KHDRBS2: variants seen among roughly 807,000 people sequenced by gnomAD.
KHDRBS2 encodes KH RNA binding domain containing, signal transduction associated 2, also known as KH domain-containing, RNA-binding, signal transduction-associated protein 2.
KHDRBS2 carries 26 observed loss-of-function variants against 44.3 expected under a neutral mutation model. That is an observed-to-expected ratio of 0.59 (90% CI 0.43 to 0.81). The LOEUF is 0.81. KHDRBS2 is among the 40% of genes least tolerant of loss of function. The pLI is 0.00. For synonymous variants in KHDRBS2, 194 were observed against 151.1 expected (o/e 1.28, Z -2.08); for missense variants, 476 against 433.1 (o/e 1.10, Z -0.88).
chr6:61,567,558 T>C, the KHDRBS2 span, among the ~76,000 whole-genome samples: 1 of 152,230 alleles, frequency 6.6e-6, no homozygotes, highest in Non-Finnish European at 1.5e-5. Flanking sequence ...GAAGGATCAC[T>C]TGAGCCTGGG....
chr6:62,007,304 C>G (rs188705902), intron 3 of KHDRBS2, among the ~76,000 whole-genome samples: 4 of 152,032 alleles, frequency 2.6e-5, no homozygotes, highest in Middle Eastern at 3.4e-3. Flanking sequence ...GTTTGTTGTC[C>G]AGTAAAGGTC....
chr6:61,555,296 CTGCTGTTAATACTTGCAACCG>C, the KHDRBS2 span, among the ~76,000 whole-genome samples: 17 of 152,218 alleles, frequency 1.1e-4, no homozygotes, highest in Non-Finnish European at 2.4e-4. Context: ...TTGGTCAATT[CTGCTGTTAATACTTGCAACCG>C]TATTCTGAAA....
intron 4 of KHDRBS2, among the ~76,000 whole-genome samples, chr6:61,977,711 T>G (rs1772974185): frequency 6.6e-6 from 1 of 152,250 alleles, no homozygotes; most frequent in Non-Finnish European, 1.5e-5. Context: ...TCCCTATTAA[T>G]TGTAAATTGC....
chr6:61,712,738 T>A (rs897835674), intron 7 of KHDRBS2, among the ~76,000 whole-genome samples: 13 of 151,870 alleles, frequency 8.6e-5, no homozygotes, highest in African/African-American at 2.7e-4. Context: ...ATCTGGCACA[T>A]AGCAAATGCT....
At chr6:62,080,323 T>C (rs1237000928) in intron 2 of KHDRBS2, among the ~76,000 whole-genome samples, 2 of 152,120 alleles carry the variant, frequency 1.3e-5, no homozygotes, top group Non-Finnish European at 2.9e-5. Flanking sequence ...AAATCTATTT[T>C]ACAGAGTGCC....
At chr6:61,556,603 C>T in the KHDRBS2 span, among the ~76,000 whole-genome samples, 1 of 151,718 alleles carries the variant, frequency 6.6e-6, no homozygotes, top group East Asian at 1.9e-4. Context: ...GGAGTTTAGC[C>T]AAAAAAGAAC....
chr6:61,799,536 C>G (rs188435255), intron 6 of KHDRBS2, among the ~76,000 whole-genome samples: 1 of 151,932 alleles, frequency 6.6e-6, no homozygotes, highest in African/African-American at 2.4e-5. Flanking sequence ...CACATAATCA[C>G]AGATCTTCCC....
chr6:61,555,926 A>G, the KHDRBS2 span, among the ~76,000 whole-genome samples: 2 of 152,200 alleles, frequency 1.3e-5, no homozygotes, highest in Non-Finnish European at 2.9e-5. Flanking sequence ...ATCACTCGCC[A>G]CAACACTCTA....
chr6:61,863,962 G>T (rs1562327425), intron 6 of KHDRBS2, among the ~76,000 whole-genome samples: 2 of 152,156 alleles, frequency 1.3e-5, no homozygotes, highest in Non-Finnish European at 2.9e-5. Flanking sequence ...GAATGTGGGT[G>T]ATCCTGTGTT....
the KHDRBS2 span, among the ~76,000 whole-genome samples, chr6:61,569,114 G>A: frequency 6.6e-6 from 1 of 152,080 alleles, no homozygotes; most frequent in Non-Finnish European, 1.5e-5. Context: ...AGCTGGGTGA[G>A]GCCTCTCGCT....
At chr6:62,219,952 CTG>C (rs1027940462) in intron 1 of KHDRBS2, among the ~76,000 whole-genome samples, 2 of 146,968 alleles carry the variant, frequency 1.4e-5, no homozygotes, top group Admixed American at 1.4e-4. Flanking sequence ...ATATATATAA[CTG>C]TATATACTAT....
the KHDRBS2 span, among the ~76,000 whole-genome samples, chr6:61,608,898 T>C: frequency 1.3e-5 from 2 of 152,172 alleles, no homozygotes; most frequent in African/African-American, 4.8e-5. Flanking sequence ...GCAGTAAACA[T>C]ATGTGTGTAT....
chr6:61,684,705 A>G (rs1272566294), intron 8 of KHDRBS2, among the ~76,000 whole-genome samples: 2 of 151,792 alleles, frequency 1.3e-5, no homozygotes, highest in Admixed American at 1.3e-4. Context: ...AATTAATCCA[A>G]TAACAAATTC....
At chr6:61,654,176 G>C in the KHDRBS2 span, among the ~76,000 whole-genome samples, 1 of 152,034 alleles carries the variant, frequency 6.6e-6, no homozygotes, top group African/African-American at 2.4e-5. Flanking sequence ...ACTAGAAAGG[G>C]CGCTAACATT....
chr6:62,108,510 T>A (rs1804103820), intron 2 of KHDRBS2, among the ~76,000 whole-genome samples: 1 of 152,124 alleles, frequency 6.6e-6, no homozygotes, highest in South Asian at 2.1e-4. Context: ...GACTGTAAAC[T>A]AGTTCAACCA....
intron 1 of KHDRBS2, among the ~76,000 whole-genome samples, chr6:62,281,360 G>A (rs1387833303): frequency 2.0e-5 from 3 of 152,088 alleles, no homozygotes; most frequent in Non-Finnish European, 4.4e-5. Flanking sequence ...AGTGGTTCAT[G>A]CCTGTAATCC....
At chr6:61,907,449 C>G (rs1215176020) in intron 4 of KHDRBS2, among the ~76,000 whole-genome samples, 1 of 152,080 alleles carries the variant, frequency 6.6e-6, no homozygotes, top group African/African-American at 2.4e-5. Context: ...GTTGCCTGTG[C>G]TTTTTGAAGT....
intron 4 of KHDRBS2, among the ~76,000 whole-genome samples, chr6:61,957,142 C>T (rs775854123): frequency 3.3e-5 from 5 of 152,128 alleles, no homozygotes; most frequent in Non-Finnish European, 5.9e-5. Flanking sequence ...AATCAATACC[C>T]TTGTGGTTTC....
chr6:61,788,494 T>C (rs1784162999), intron 6 of KHDRBS2, among the ~76,000 whole-genome samples: 1 of 151,462 alleles, frequency 6.6e-6, no homozygotes, highest in Non-Finnish European at 1.5e-5. Context: ...ATTTGACATG[T>C]AATTGTGAGA....
Sources: gnomAD v4.1 joint callset for allele counts (sites outside exome capture counted in the v4.1 genomes callset) on GRCh38, gnomAD v4.1.1 for gene constraint, MANE v1.5 for transcripts, NCBI Gene and HGNC (gene_info 2026-07-23, HGNC 2026-07-21) for gene names.